GINS1: variants seen among roughly 807,000 people sequenced by gnomAD.
The protein encoded by GINS1 is DNA replication complex GINS protein PSF1.
In GINS1, 26 loss-of-function variants were observed where a neutral mutation model predicts 34.9. The ratio of observed to expected loss-of-function variants is 0.74; its 90% CI spans 0.55 to 1.03. GINS1 has a LOEUF of 1.03. GINS1 is among the 50% of genes least tolerant of loss of function. GINS1 has a pLI of 0.00. For missense variants in GINS1, 235 were observed against 237.9 expected (o/e 0.99, Z 0.08); for synonymous variants, 97 against 84.4 (o/e 1.15, Z -0.82).
intron 6 of GINS1, among the ~76,000 whole-genome samples, chr20:25,444,142 G>C (rs2090498534): frequency 6.6e-6 from 1 of 151,916 alleles, no homozygotes; most frequent in African/African-American, 2.4e-5. Context: ...CTCTCGAGTA[G>C]CTGGGATTGC....
At chr20:25,424,470 G>A (rs2090379193) in intron 4 of GINS1, among the ~76,000 whole-genome samples, 1 of 152,146 alleles carries the variant, frequency 6.6e-6, no homozygotes, top group Admixed American at 6.6e-5. Context: ...GATTTACTGA[G>A]ATATGATTCA....
intron 5 of GINS1, among the ~76,000 whole-genome samples, chr20:25,431,616 G>C (rs2090427502): frequency 2.0e-5 from 3 of 148,500 alleles, no homozygotes. Flanking sequence ...TGTTACCCAG[G>C]CTGTAGTGCA....
intron 5 of GINS1, among the ~76,000 whole-genome samples, chr20:25,441,386 C>T (rs929496099): frequency 1.3e-5 from 2 of 152,148 alleles, no homozygotes; most frequent in East Asian, 3.8e-4. Context: ...TAAAACATTC[C>T]TTGTGGATAG....
Position 25,447,364 on chromosome 20 carries a change from A to G in GINS1, c.*1373A>G, listed in dbSNP as rs970999316. 7 of 152,116 alleles carry G rather than the reference A, an allele frequency of 4.6e-5. No individual in the cohort carries two copies. The highest frequency in any genetic ancestry group is 1.7e-4 in the African/African-American group (7 of 41,442). 9.4% of individuals were successfully genotyped at this position (152,116 alleles called of 1,614,324 possible). ...GATCCATTTTGAATGAATTTTTTAT[A>G]TGGTGCAAGGTGTCAATCCACCTTC... On this transcript the variant is annotated 3_prime_UTR_variant, in exon 7 of 7. Transcript: ENST00000262460.
In GINS1 at chr20:25,428,397, C is replaced by CTTTTTT. The variant is rs544831869; in HGVS notation, c.447+3089_447+3094dup. 6.8e-4 allele frequency among the ~76,000 whole-genome samples: 45 copies of CTTTTTT among 66,570 alleles called. 1 individual carries two copies. The highest frequency in any genetic ancestry group is 0.023 in the Middle Eastern group (1 of 44). The allele number at this position is 66,570 out of a possible 152,430, so 43.7% of individuals were successfully genotyped here. ...AAATCTAGCTTTCCAAGCATAATTT[C>CTTTTTT]TTTTTTTTTTTTTTTTTTTTTTTTG... On this transcript the variant is annotated intron_variant, in intron 5 of 6. Transcript: ENST00000262460.
At chr20:25,427,754 A>T (rs1250920153) in intron 5 of GINS1, among the ~76,000 whole-genome samples, 1 of 149,004 alleles carries the variant, frequency 6.7e-6, no homozygotes, top group Non-Finnish European at 1.5e-5. Flanking sequence ...ATTTTCTCCC[A>T]TTCTCTGGGT....
intron 4 of GINS1, among the ~76,000 whole-genome samples, chr20:25,423,276 G>C (rs1228509066): frequency 6.6e-6 from 1 of 150,960 alleles, no homozygotes; most frequent in African/African-American, 2.4e-5. Context: ...ACCATGCCCG[G>C]CTAATTTTTG....
At chr20:25,418,081 C>T (rs1333029475) in intron 3 of GINS1, 24 bp from the exon 4 acceptor site, 7 of 1,326,824 alleles carry the variant, frequency 5.3e-6, no homozygotes, top group East Asian at 2.3e-5. Flanking sequence ...TCTTATGCCA[C>T]CCAATACCTT....
At chr20:25,422,954 T>G (rs536432825) in intron 4 of GINS1, among the ~76,000 whole-genome samples, 1 of 151,928 alleles carries the variant, frequency 6.6e-6, no homozygotes, top group Non-Finnish European at 1.5e-5. Flanking sequence ...TTTTTTGTAT[T>G]TTTAGCAGAG....
intron 1 of GINS1, chr20:25,408,897 C>T (rs1403333490): frequency 2.0e-6 from 2 of 982,220 alleles, no homozygotes; most frequent in African/African-American, 1.8e-5. Flanking sequence ...ATGTGGATGT[C>T]AGGACACATT....
At chr20:25,441,535 C>T (rs1446001125) in intron 5 of GINS1, among the ~76,000 whole-genome samples, 167 bp from the exon 6 acceptor site, 1 of 152,168 alleles carries the variant, frequency 6.6e-6, no homozygotes, top group Non-Finnish European at 1.5e-5. Context: ...CAAAACTGGA[C>T]ACTTGGAACT....
chr20:25,431,698 G>A (rs2090427899), intron 5 of GINS1, among the ~76,000 whole-genome samples: 1 of 151,214 alleles, frequency 6.6e-6, no homozygotes, highest in African/African-American at 2.4e-5. Flanking sequence ...AGCCTCCCGA[G>A]TAGCTGGGAC....
rs1227736005 is a variant in GINS1, at chr20:25,448,177, A to G, written c.*2186A>G. On this transcript the variant is annotated 3_prime_UTR_variant, in exon 7 of 7. Coordinates refer to ENST00000262460, the MANE Select transcript of GINS1 (RefSeq NM_021067.5). ...TGTCAATTTCTACAACAACAACAAC[A>G]AAAACCCCTGTTGGGCACCTTGATT... 1 of 152,182 alleles carries G rather than the reference A, an allele frequency of 6.6e-6. No individual in the cohort carries two copies. Among genetic ancestry groups the G allele is most frequent in the Non-Finnish European group, 1.5e-5 (1 of 68,030 alleles). 9.4% of individuals were successfully genotyped at this position (152,182 alleles called of 1,614,324 possible).
chr20:25,408,383 G>T (rs1305398148), intron 1 of GINS1, among the ~76,000 whole-genome samples: 1 of 152,216 alleles, frequency 6.6e-6, no homozygotes, highest in African/African-American at 2.4e-5. Context: ...TGAGTGGCAT[G>T]TGTAAGGGTC....
At chr20:25,432,200 G>T (rs564415944) in intron 5 of GINS1, among the ~76,000 whole-genome samples, 156 of 152,056 alleles carry the variant, frequency 1.0e-3, no homozygotes, top group African/African-American at 3.4e-3. Flanking sequence ...TTTAATGTAG[G>T]TGTTTATGTT....
chr20:25,427,444 C>T (rs866280414), intron 5 of GINS1, among the ~76,000 whole-genome samples: 2 of 152,064 alleles, frequency 1.3e-5, no homozygotes, highest in South Asian at 2.1e-4. Context: ...GTGATCCTCC[C>T]GCCTCAGCCT....
intron 6 of GINS1, among the ~76,000 whole-genome samples, chr20:25,444,512 A>T (rs2090500425): frequency 6.6e-6 from 1 of 152,034 alleles, no homozygotes. Context: ...GGTTTAGAAG[A>T]ATTTGGTCAT....
At chr20:25,410,212 G>T (rs187279345) in intron 1 of GINS1, among the ~76,000 whole-genome samples, 1 of 152,010 alleles carries the variant, frequency 6.6e-6, no homozygotes, top group Non-Finnish European at 1.5e-5. Flanking sequence ...GTGGTGGGAT[G>T]TGCCTGTAGT....
chr20:25,432,919 C>G (rs976084999), intron 5 of GINS1, among the ~76,000 whole-genome samples: 2 of 148,980 alleles, frequency 1.3e-5, no homozygotes, highest in South Asian at 4.2e-4. Flanking sequence ...ATATAATAGT[C>G]TTTTTTGTCT....
Sources: allele counts gnomAD v4.1 joint callset (sites outside exome capture counted in the v4.1 genomes callset), GRCh38; gene constraint gnomAD v4.1.1; transcripts MANE v1.5; gene names NCBI Gene and HGNC (gene_info 2026-07-23, HGNC 2026-07-21).